FEZF2: variants seen among roughly 807,000 people sequenced by gnomAD.
The protein encoded by FEZF2 is FEZ family zinc finger 2.
Under a neutral mutation model 32.8 loss-of-function variants are expected in FEZF2, and 2 were observed. The observed-to-expected ratio is 0.06, with a 90% CI of 0.02 to 0.19. FEZF2 has a LOEUF of 0.19. Among genes scored for constraint, FEZF2 ranks in the 10% least tolerant of loss-of-function variants. FEZF2 has a pLI of 1.00. For synonymous variants in FEZF2, 322 were observed against 284.8 expected, an observed-to-expected ratio of 1.13 and a Z score of -1.32; for missense variants, 516 against 625.4, an observed-to-expected ratio of 0.83 and a Z score of 1.87.
At position 62,370,712 on chromosome 3, in the gene FEZF2, C is replaced by T. The variant is rs1036376691; in HGVS notation, c.1121-370G>A. On this transcript the variant is annotated intron_variant, in intron 4 of 4. Transcript: ENST00000283268. This position sits in a 1 kb window ranked among gnomAD's most constrained non-coding sequence, Gnocchi z 4.2. ...AAATTCGCACGAACCCGGGCTTCAT[C>T]CTTTTTCTTTTCCCCCTTCTCATTT... is the stretch of plus-strand genomic sequence containing the variant. 6.6e-6 allele frequency among the ~76,000 whole-genome samples: 1 copy of T among 152,192 alleles called. No homozygotes were observed. The highest frequency in any genetic ancestry group is 2.4e-5 in the African/African-American group (1 of 41,450).
rs775226312 is a variant in FEZF2, at chr3:62,371,608, C to A, written c.912G>T (p.Pro304=). ...RHMPVHTGAR[P]FVCKVCGKGF... is the part of the protein sequence containing the mutation. ...CTTTGCCGCAGACTTTGCACACGAA[C>A]GGTCTGGCTCCGGTGTGGACCGGCA... The change falls in exon 3 of 5, where the codon CCG becomes CCT. Residue 304 remains proline, a synonymous_variant. Transcript: ENST00000283268. The A allele has an allele frequency of 3.7e-6, 6 of 1,614,030 alleles. No individual in the cohort carries two copies. Among genetic ancestry groups the A allele is most frequent in the East Asian group, 2.2e-5 (1 of 44,880 alleles).
At chr3:62,371,468 C>T (rs1704268003) in intron 3 of FEZF2, 65 bp downstream of exon 3, 2 of 1,578,986 alleles carry the variant, frequency 1.3e-6, no homozygotes, top group African/African-American at 1.3e-5. Context: ...CCATCGTATC[C>T]CCGGTGTTAT....
intron 4 of FEZF2, 32 bp downstream of exon 4, chr3:62,371,185 G>C: frequency 1.2e-6 from 2 of 1,614,082 alleles, no homozygotes; most frequent in Non-Finnish European, 1.7e-6. Flanking sequence ...CTGAGGTGAG[G>C]TGAGAAGAGA....
chr3:62,373,137 A>C lies in FEZF2; in HGVS notation c.-59+142T>G. ...GAAGAAGGGGGAGGGTTTACAAAAGAAAAGGGGGGGGGCGGTGAGAAAAGA... is the reference window on the plus strand; with the variant it reads ...GAAGAAGGGGGAGGGTTTACAAAAGCAAAGGGGGGGGGCGGTGAGAAAAGA... On this transcript the variant is annotated intron_variant, in intron 1 of 4. Coordinates refer to ENST00000283268, the MANE Select transcript of FEZF2 (RefSeq NM_018008.4). This position sits in a 1 kb window ranked among gnomAD's most constrained non-coding sequence, Gnocchi z 5.5. The C allele has an allele frequency of 4.2e-6, 1 of 237,724 alleles. No homozygotes were observed. Among genetic ancestry groups the C allele is most frequent in the Non-Finnish European group, 8.1e-6 (1 of 123,634 alleles). 14.7% of individuals were successfully genotyped at this position (237,724 alleles called of 1,614,324 possible). A position where few individuals can be genotyped will look rare whatever the true frequency, so the allele number is the denominator to read the frequency against.
intron 2 of FEZF2, 111 bp downstream of exon 2, chr3:62,371,906 C>T: frequency 6.8e-7 from 1 of 1,462,860 alleles, no homozygotes; most frequent in Admixed American, 2.5e-5. Context: ...TTTGGGTAGT[C>T]AACTACTGGG....
At chr3:62,371,899 G>A (rs1704275084) in intron 2 of FEZF2, 118 bp downstream of exon 2, 12 of 1,448,184 alleles carry the variant, frequency 8.3e-6, no homozygotes, top group Non-Finnish European at 1.1e-5. Flanking sequence ...CTCCCAGTTT[G>A]GGTAGTCAAC....
rs755525513 is a variant in FEZF2 at position 62,372,004 on chromosome 3, C to T, written c.852+13G>A. On this transcript the variant is annotated intron_variant, in intron 2 of 4. Coordinates refer to ENST00000283268, the MANE Select transcript of FEZF2 (RefSeq NM_018008.4). This position sits in a 1 kb window ranked among gnomAD's most constrained non-coding sequence, Gnocchi z 9.6. The stretch of plus-strand genomic sequence containing the variant: ...GCCCCTCCCGGCCCCCCTCGCCGAA[C>T]CCTGGGCCTCACCTTGCCGCACACC... The T allele has an allele frequency of 3.1e-6, 5 of 1,599,946 alleles. No individual in the cohort carries two copies. The highest frequency in any genetic ancestry group is 2.2e-5 in the South Asian group (2 of 90,052).
At chr3:62,371,992 C>A (rs374291410) in intron 2 of FEZF2, 25 bp downstream of exon 2, 10 of 1,594,792 alleles carry the variant, frequency 6.3e-6, no homozygotes, top group African/African-American at 1.3e-5. Context: ...CCTCCCGGCC[C>A]CCCTCGCCGA....
rs766060441 is a variant in FEZF2 at position 62,370,381 on chromosome 3, G to A, written c.1121-39C>T. 6 of 1,604,044 alleles carry A rather than the reference G, an allele frequency of 3.7e-6. No individual in the cohort carries two copies. Among genetic ancestry groups the A allele is most frequent in the Non-Finnish European group, 4.3e-6 (5 of 1,172,968 alleles). On this transcript the variant is annotated intron_variant, in intron 4 of 4. Transcript: ENST00000283268. This position sits in a 1 kb window ranked among gnomAD's most constrained non-coding sequence, Gnocchi z 4.2. The stretch of plus-strand genomic sequence containing the variant: ...AGAACAAAAAACGTGGGGGTATGGA[G>A]TAGAATGGTGGGGAGGAAGAGGCGG...
intron 2 of FEZF2, 140 bp downstream of exon 2, chr3:62,371,876 AG>A: frequency 7.1e-7 from 1 of 1,405,950 alleles, no homozygotes. Flanking sequence ...TAGGAAACTG[AG>A]GCCCAACGAG....
In FEZF2 at chr3:62,372,037, T is replaced by A. The variant is rs1559836441; in HGVS notation, c.832A>T (p.Thr278Ser). The change falls in exon 2 of 5, where the codon ACC (threonine) becomes TCC (serine). Residue 278 changes from threonine (T) to serine (S), a missense_variant. By Grantham distance (58) the Thr-to-Ser change is moderately conservative. This residue lies in a region of FEZF2 where 408 missense variants were observed against 382.2 expected (regional missense o/e 1.07). Transcript: ENST00000283268. The surrounding 1 kb of genome is among the most constrained non-coding windows in gnomAD (Gnocchi z 9.6). The part of the protein sequence containing the change: ...GSADGKPKNF[T>S]CEVCGKVFNA... ...CTCACCTTGCCGCACACCTCGCAGG[T>A]GAAGTTTTTGGGCTTGCCATCTGCG... The A allele has an allele frequency of 6.2e-7, 1 of 1,607,064 alleles. No individual in the cohort carries two copies. The highest frequency in any genetic ancestry group is 8.5e-7 in the Non-Finnish European group (1 of 1,179,430).
Position 62,372,599 on chromosome 3 carries a change from A to G in FEZF2, c.270T>C (p.Ser90=), listed in dbSNP as rs1482596006. 1 of 1,489,848 alleles carries G rather than the reference A, an allele frequency of 6.7e-7. No homozygotes were observed. Among genetic ancestry groups the G allele is most frequent in the African/African-American group, 1.4e-5 (1 of 70,134 alleles). The allele number at this position is 1,489,848 out of a possible 1,614,324, so 92.3% of individuals were successfully genotyped here. A position where few individuals can be genotyped will look rare whatever the true frequency, so the allele number is the denominator to read the frequency against. The part of the protein sequence containing the change: ...GYEVPSKTLL[S]YSELWKSSLR... ...GGCTGCTTTTCCAGAGCTCCGAGTA[A>G]CTGAGCAGTGTCTTTGACGGCACCT... The change falls in exon 2 of 5, where the codon AGT becomes AGC. Residue 90 remains serine, a synonymous_variant. Coordinates refer to ENST00000283268, the MANE Select transcript of FEZF2 (RefSeq NM_018008.4). The surrounding 1 kb of genome is among the most constrained non-coding windows in gnomAD (Gnocchi z 9.6).
At position 62,372,327 on chromosome 3, in the gene FEZF2, G is replaced by T. The variant is rs776662128; in HGVS notation, c.542C>A (p.Pro181Gln). The change falls in exon 2 of 5, where the codon CCG becomes CAG. Residue 181 changes from proline to glutamine, a missense_variant. Around this residue, in one of 3 missense-constraint regions of FEZF2, gnomAD observed 408 missense variants for 382.2 expected, o/e 1.07. Coordinates refer to ENST00000283268, the MANE Select transcript of FEZF2 (RefSeq NM_018008.4). This position sits in a 1 kb window ranked among gnomAD's most constrained non-coding sequence, Gnocchi z 9.6. ...GTGGCCGCTGAGGAGCTCAGACGGC[G>T]GGTACGCGGTCGAGTCCAGGTAGTT... is the stretch of plus-strand genomic sequence containing the variant. ...YFNYLDSTAY[P>Q]PSELLSGHLF... The T allele has an allele frequency of 6.2e-7, 1 of 1,610,104 alleles. No individual in the cohort carries two copies. The highest frequency in any genetic ancestry group is 1.1e-5 in the South Asian group (1 of 90,738).
At position 62,371,272 on chromosome 3, in the gene FEZF2, G is replaced by A. The variant is rs1416044792; in HGVS notation, c.1065C>T (p.His355=). 1.2e-6 allele frequency: 2 copies of A among 1,614,262 alleles called. No homozygotes were observed. Among genetic ancestry groups the A allele is most frequent in the South Asian group, 1.1e-5 (1 of 91,088 alleles). ...SSTLNTHIRI[H]AGYKPFVCEF... ...CGCAGACGAAGGGCTTGTAGCCCGC[G>A]TGGATGCGGATATGCGTGTTGAGCG... Residue 355 remains histidine (H), a synonymous_variant, in exon 4 of 5, where the codon CAC becomes CAT. Coordinates refer to ENST00000283268, the MANE Select transcript of FEZF2 (RefSeq NM_018008.4).
intron 4 of FEZF2, 146 bp downstream of exon 4, chr3:62,371,071 G>T: frequency 1.6e-6 from 2 of 1,237,246 alleles, no homozygotes; most frequent in Non-Finnish European, 2.3e-6. Flanking sequence ...CCCTACACCA[G>T]GCACAACCCG....
In FEZF2 at chr3:62,370,823, T is replaced by C. The variant is rs1437487144; in HGVS notation, c.1120+394A>G. 6.6e-6 allele frequency among the ~76,000 whole-genome samples: 1 copy of C among 152,254 alleles called. No homozygotes were observed. Among genetic ancestry groups the C allele is most frequent in the Non-Finnish European group, 1.5e-5 (1 of 68,048 alleles). On this transcript the variant is annotated intron_variant, in intron 4 of 4. Coordinates refer to ENST00000283268, the MANE Select transcript of FEZF2 (RefSeq NM_018008.4). This position sits in a 1 kb window ranked among gnomAD's most constrained non-coding sequence, Gnocchi z 4.2. ...AATCCGATCCAGGGGCCAAGGATCATACCGGTTTCCCCCAATCTTAGATTG... is the reference window on the plus strand; with the variant it reads ...AATCCGATCCAGGGGCCAAGGATCACACCGGTTTCCCCCAATCTTAGATTG...
Position 62,372,182 on chromosome 3 carries a change from C to G in FEZF2, c.687G>C (p.Pro229=), listed in dbSNP as rs988453911. The G allele has an allele frequency of 8.8e-6, 14 of 1,582,002 alleles. No individual in the cohort carries two copies. Among genetic ancestry groups the G allele is most frequent in the African/African-American group, 1.3e-5 (1 of 74,478 alleles). The change falls in exon 2 of 5, where the codon CCG becomes CCC. Residue 229 remains proline (P), a synonymous_variant. Transcript: ENST00000283268. The surrounding 1 kb of genome is among the most constrained non-coding windows in gnomAD (Gnocchi z 9.6). The stretch of plus-strand genomic sequence containing the variant: ...AGCGCTCCTTATGGGGATAGGGAGC[C>G]GGGTGGGGGAACTTGTCCGCAGCCA... ...AGLAADKFPH[P]APYPHKERLP... is the part of the protein sequence containing the mutation.
Position 62,372,391 on chromosome 3 carries a change from C to A in FEZF2, c.478G>T (p.Ala160Ser). Residue 160 changes from alanine to serine, a missense_variant, in exon 2 of 5, where the codon GCT (alanine) becomes TCT (serine). Ala to Ser is a moderately conservative substitution (Grantham distance 99). Coordinates refer to ENST00000283268, the MANE Select transcript of FEZF2 (RefSeq NM_018008.4). The surrounding 1 kb of genome is among the most constrained non-coding windows in gnomAD (Gnocchi z 9.6). ...GAGCCGCTGGCCGGCAGCCCCACAGCCTGGTTGATGACCTGCGGCTTGATG... is the reference window on the plus strand; with the variant it reads ...GAGCCGCTGGCCGGCAGCCCCACAGACTGGTTGATGACCTGCGGCTTGATG... ...RVIKPQVINQ[A>S]VGLPASGSLY... is the part of the protein sequence containing the mutation. 8.7e-6 allele frequency: 14 copies of A among 1,611,800 alleles called. No homozygotes were observed. Among genetic ancestry groups the A allele is most frequent in the Non-Finnish European group, 1.2e-5 (14 of 1,179,778 alleles).
At chr3:62,371,085 C>G in intron 4 of FEZF2, 132 bp downstream of exon 4, 1 of 1,373,608 alleles carries the variant, frequency 7.3e-7, no homozygotes, top group South Asian at 1.2e-5. Flanking sequence ...CAACCCGATT[C>G]TAAAGAAATG....
Sources: gnomAD v4.1 joint callset for allele counts (sites outside exome capture counted in the v4.1 genomes callset) on GRCh38, gnomAD v4.1.1 for gene constraint, gnomAD v4.1.1 regional missense constraint, Gnocchi (gnomAD v3.1) non-coding constraint, MANE v1.5 for transcripts, NCBI Gene and HGNC (gene_info 2026-07-23, HGNC 2026-07-21) for gene names.